The following PKD1L1 variants were observed in gnomAD, a reference collection of about 807,000 sequenced individuals.
The protein encoded by PKD1L1 is polycystin-1-like protein 1.
PKD1L1 carries 236 observed loss-of-function variants against 323.4 expected under a neutral mutation model. That is an observed-to-expected ratio of 0.73 (90% CI 0.66 to 0.81). PKD1L1 has a LOEUF of 0.81. Ranked by LOEUF, PKD1L1 falls within the 40% of genes least tolerant of loss-of-function variation. The pLI is 0.00. For synonymous variants in PKD1L1, 1,344 were observed against 1,335.0 expected, an observed-to-expected ratio of 1.01 and a Z score of -0.15; for missense variants, 3,320 against 3,508.0, an observed-to-expected ratio of 0.95 and a Z score of 1.35.
the PKD1L1 span, among the ~76,000 whole-genome samples, chr7:47,957,862 A>AATATATAT: frequency 5.2e-5 from 7 of 134,664 alleles, no homozygotes; most frequent in Non-Finnish European, 6.3e-5. Context: ...ATTAAAAAAA[A>AATATATAT]ATATATATAT....
intron 52 of PKD1L1, among the ~76,000 whole-genome samples, chr7:47,806,905 T>C (rs1784790963): frequency 6.6e-6 from 1 of 152,156 alleles, no homozygotes; most frequent in Non-Finnish European, 1.5e-5. Context: ...CCCCAGCTTA[T>C]GAAACTTCAG....
rs571132089 is a variant in PKD1L1, at chr7:47,901,196, C to T, written c.2064+1183G>A. 1.2e-3 allele frequency among the ~76,000 whole-genome samples: 178 copies of T among 151,600 alleles called. 2 individuals are homozygous for T. The highest frequency in any genetic ancestry group is 4.0e-3 in the African/African-American group (167 of 41,388). On this transcript the variant is annotated intron_variant, in intron 13 of 56. Coordinates refer to ENST00000289672, the MANE Select transcript of PKD1L1 (RefSeq NM_138295.5). The stretch of plus-strand genomic sequence containing the variant: ...CCATTTCTACTAAAAAAATTAGCTA[C>T]GCATGGTGGTGCACACCTGTAATCC...
At chr7:47,918,339 C>G (rs1406695433) in intron 7 of PKD1L1, among the ~76,000 whole-genome samples, 1 of 152,112 alleles carries the variant, frequency 6.6e-6, no homozygotes, top group Non-Finnish European at 1.5e-5. Context: ...GCACCTAACA[C>G]TGGAGCTCCC....
In PKD1L1 at chr7:47,932,037, T is replaced by C. The variant is rs1787782124; in HGVS notation, c.418A>G (p.Ile140Val). Residue 140 changes from isoleucine to valine, a missense_variant, in exon 5 of 57, where the codon ATT becomes GTT. Transcript: ENST00000289672. ...SADRIPHKPF[I>V]IIARAWSSGG... ...CTGCTCCAGGCCCTTGCGATTATAA[T>C]GAAAGGTTTGTGGGGAATTCTGTAT... 5.0e-6 allele frequency: 8 copies of C among 1,611,032 alleles called. No individual in the cohort carries two copies. The highest frequency in any genetic ancestry group is 6.8e-6 in the Non-Finnish European group (8 of 1,178,614).
chr7:47,890,849 G>A, intron 15 of PKD1L1, 86 bp from the exon 16 acceptor site: 3 of 1,200,808 alleles, frequency 2.5e-6, no homozygotes, highest in Non-Finnish European at 3.6e-6. Context: ...TTTTCCCCAG[G>A]TGAGGGGGAC....
At position 47,881,935 on chromosome 7, in the gene PKD1L1, G is replaced by C. The variant is rs778180457; in HGVS notation, c.3416C>G (p.Ala1139Gly). 2 of 1,605,102 alleles carry C rather than the reference G, an allele frequency of 1.2e-6. No individual in the cohort carries two copies. Among genetic ancestry groups the C allele is most frequent in the South Asian group, 1.1e-5 (1 of 90,092 alleles). Residue 1139 changes from alanine (A) to glycine (G), a missense_variant, in exon 20 of 57, where the codon GCA (alanine) becomes GGA (glycine). Physicochemically the swap from Ala to Gly is moderately conservative, Grantham distance 60 (BLOSUM62 0). Coordinates refer to ENST00000289672, the MANE Select transcript of PKD1L1 (RefSeq NM_138295.5). ...TGAGGATGAATAGCCTTGGAAAACT[G>C]CTCGACCCAGCAGGGCCTTGGGCCA... ...IDWPKALLGR[A>G]VFQGYSSSGI... is the part of the protein sequence containing the mutation.
At chr7:47,817,605 A>G (rs1785047321) in intron 46 of PKD1L1, among the ~76,000 whole-genome samples, 1 of 152,238 alleles carries the variant, frequency 6.6e-6, no homozygotes, top group African/African-American at 2.4e-5. Flanking sequence ...ACGGTGGCTC[A>G]GGCCTATAAT....
At chr7:47,805,938 T>C (rs959971965) in intron 52 of PKD1L1, among the ~76,000 whole-genome samples, 2 of 152,210 alleles carry the variant, frequency 1.3e-5, no homozygotes, top group African/African-American at 4.8e-5. Flanking sequence ...CCTCAATACA[T>C]GTCAGCTCTT....
At chr7:47,828,896 T>C (rs532072920) in intron 44 of PKD1L1, among the ~76,000 whole-genome samples, 1 of 152,352 alleles carries the variant, frequency 6.6e-6, no homozygotes, top group East Asian at 1.9e-4. Flanking sequence ...GAATTGCACA[T>C]GCATTTCAGG....
intron 26 of PKD1L1, 80 bp from the exon 27 acceptor site, chr7:47,858,965 C>T: frequency 1.3e-6 from 2 of 1,515,594 alleles, no homozygotes; most frequent in East Asian, 4.6e-5. Context: ...ATGAGAACCG[C>T]ACTCATAAAG....
intron 54 of PKD1L1, among the ~76,000 whole-genome samples, chr7:47,800,334 G>A (rs541637259): frequency 6.6e-6 from 1 of 152,364 alleles, no homozygotes; most frequent in Admixed American, 6.5e-5. Flanking sequence ...GGCAGTGTGA[G>A]ATTGCAGATG....
chr7:47,917,994 C>T (rs1383646094), intron 7 of PKD1L1, among the ~76,000 whole-genome samples: 7 of 152,066 alleles, frequency 4.6e-5, no homozygotes, highest in African/African-American at 9.7e-5. Flanking sequence ...TCGATACTAA[C>T]GTTGAATGTA....
At chr7:47,836,830 G>C (rs1424867208) in intron 37 of PKD1L1, 91 bp downstream of exon 37, 3 of 1,423,834 alleles carry the variant, frequency 2.1e-6, no homozygotes, top group African/African-American at 1.4e-5. Flanking sequence ...TTTTCTCGGA[G>C]AACTGTGAGC....
At chr7:47,777,715 C>A (rs1209067714) in intron 56 of PKD1L1, among the ~76,000 whole-genome samples, 1 of 152,266 alleles carries the variant, frequency 6.6e-6, no homozygotes, top group East Asian at 1.9e-4. Context: ...TTCCTCAGAG[C>A]AAAACAGGAT....
chr7:47,873,359 G>A (rs185190756), intron 24 of PKD1L1, among the ~76,000 whole-genome samples: 36 of 152,130 alleles, frequency 2.4e-4, no homozygotes, highest in Non-Finnish European at 4.0e-4. Flanking sequence ...TAAAAAAGAA[G>A]AAAGTGAGGC....
the PKD1L1 span, among the ~76,000 whole-genome samples, chr7:47,960,405 GA>G: frequency 9.2e-6 from 1 of 108,370 alleles, no homozygotes; most frequent in Non-Finnish European, 1.8e-5. Flanking sequence ...CTGTAAAAAA[GA>G]AAAAAAAAGA....
At chr7:47,803,615 A>G (rs1562937348) in intron 52 of PKD1L1, among the ~76,000 whole-genome samples, 2 of 152,190 alleles carry the variant, frequency 1.3e-5, no homozygotes, top group Admixed American at 1.3e-4. Flanking sequence ...CAGGTCTAGC[A>G]GGCACACACA....
intron 44 of PKD1L1, among the ~76,000 whole-genome samples, chr7:47,828,253 C>A (rs567382303): frequency 1.3e-5 from 2 of 152,192 alleles, no homozygotes; most frequent in East Asian, 3.9e-4. Context: ...AGATGCCAGC[C>A]TGGCCCTCAG....
At chr7:47,787,753 C>T (rs915514879) in intron 56 of PKD1L1, among the ~76,000 whole-genome samples, 2 of 152,090 alleles carry the variant, frequency 1.3e-5, no homozygotes, top group African/African-American at 4.8e-5. Context: ...ACTCTGTTTC[C>T]CAGGCTGGAG....
Sources: allele counts gnomAD v4.1 joint callset (sites outside exome capture counted in the v4.1 genomes callset), GRCh38; gene constraint gnomAD v4.1.1; transcripts MANE v1.5; gene names NCBI Gene and HGNC (gene_info 2026-07-23, HGNC 2026-07-21).